The following GRB10 variants were observed in gnomAD, a reference collection of about 807,000 sequenced individuals.
GRB10 encodes growth factor receptor bound protein 10, also known as growth factor receptor-bound protein 10.
Under a neutral mutation model 80.9 loss-of-function variants are expected in GRB10, and 20 were observed. The ratio of observed to expected loss-of-function variants is 0.25; its 90% CI spans 0.17 to 0.36. The LOEUF is 0.36. Ranked by LOEUF, GRB10 falls within the 10% of genes least tolerant of loss-of-function variation. The pLI is 1.00. For missense variants in GRB10, 548 were observed against 747.7 expected (o/e 0.73, Z 3.12); for synonymous variants, 291 against 291.5 (o/e 1.00, Z 0.02).
intron 3 of GRB10, among the ~76,000 whole-genome samples, 154 bp downstream of exon 3, chr7:50,755,733 C>T (rs734422): frequency 0.62 from 93,947 of 151,992 alleles, 31,944 homozygotes; most frequent in Middle Eastern, 0.87. Context: ...AGGACAGAGA[C>T]GGGAGACTCT....
chr7:50,668,922 T>G lies in GRB10; in HGVS notation c.504+800A>C, dbSNP rs2060080797. 2.0e-5 allele frequency among the ~76,000 whole-genome samples: 3 copies of G among 152,246 alleles called. No individual in the cohort carries two copies. The South Asian group carries it at 6.2e-4, about 31-fold the overall frequency. ...TGTCCTATCTACTTCATGGATCTAC[T>G]TTAAGTAGAAACTACAAGTTCAAAA... On this transcript the variant is annotated intron_variant, in intron 7 of 18. Coordinates refer to ENST00000401949, the MANE Select transcript of GRB10 (RefSeq NM_001350814.2).
At chr7:50,772,580 G>A (rs1046552693) in intron 2 of GRB10, among the ~76,000 whole-genome samples, 20 of 152,250 alleles carry the variant, frequency 1.3e-4, no homozygotes, top group African/African-American at 4.3e-4. Flanking sequence ...TCTAGCCAGA[G>A]CAATTAAGTA....
At chr7:50,712,197 G>A (rs565220704) in intron 4 of GRB10, among the ~76,000 whole-genome samples, 1 of 152,242 alleles carries the variant, frequency 6.6e-6, no homozygotes, top group East Asian at 1.9e-4. Context: ...CCCTCAAATG[G>A]AAATAACCTT....
chr7:50,594,235 C>T (rs1165899700), intron 18 of GRB10, among the ~76,000 whole-genome samples: 1 of 152,176 alleles, frequency 6.6e-6, no homozygotes, highest in Non-Finnish European at 1.5e-5. Context: ...CCACTGACAG[C>T]CATGAGCCTC....
chr7:50,595,570 A>C, intron 17 of GRB10, 40 bp from the exon 18 acceptor site: 1 of 1,004,528 alleles, frequency 1.0e-6, no homozygotes, highest in Non-Finnish European at 1.6e-6. Flanking sequence ...AATATTTTAA[A>C]ATCTGGAACT....
chr7:50,647,013 A>G (rs747194629), intron 7 of GRB10, among the ~76,000 whole-genome samples: 1 of 152,216 alleles, frequency 6.6e-6, no homozygotes, highest in Non-Finnish European at 1.5e-5. Flanking sequence ...ATCACTAACT[A>G]AAAAGAGGCA....
chr7:50,718,848 C>A (rs998074420), intron 4 of GRB10, among the ~76,000 whole-genome samples: 3 of 152,082 alleles, frequency 2.0e-5, no homozygotes, highest in Non-Finnish European at 4.4e-5. Context: ...AATGTCTAAG[C>A]TTGTTGAACC....
chr7:50,658,231 G>C (rs1202296825), intron 7 of GRB10, among the ~76,000 whole-genome samples: 1 of 152,244 alleles, frequency 6.6e-6, no homozygotes, highest in South Asian at 2.1e-4. Context: ...GGCTTCTCCA[G>C]TGGGTGAACT....
chr7:50,590,411 CAT>C lies in GRB10; in HGVS notation c.*2539_*2540del, dbSNP rs1450838324. On this transcript the variant is annotated 3_prime_UTR_variant, in exon 19 of 19. Transcript: ENST00000401949. ...AAGACAAAACATCTAGGCTGAGGCA[CAT>C]GTTTCTTCAAGGTTTAGCAAACAAA... 2.0e-5 allele frequency: 3 copies of C among 152,240 alleles called. No homozygotes were observed. The highest frequency in any genetic ancestry group is 2.1e-4 in the South Asian group (1 of 4,834). 9.4% of individuals were successfully genotyped at this position (152,240 alleles called of 1,614,324 possible).
intron 7 of GRB10, among the ~76,000 whole-genome samples, chr7:50,639,599 G>C (rs1049699850): frequency 1.5e-4 from 23 of 152,268 alleles, no homozygotes; most frequent in African/African-American, 5.5e-4. Flanking sequence ...CGTGAACCGG[G>C]GAGGCGGAGC....
intron 7 of GRB10, among the ~76,000 whole-genome samples, chr7:50,632,039 C>T (rs960534959): frequency 4.6e-5 from 7 of 152,162 alleles, no homozygotes; most frequent in Non-Finnish European, 7.3e-5. Flanking sequence ...ATTGGGCAGA[C>T]CCTGAAGCCT....
intron 7 of GRB10, among the ~76,000 whole-genome samples, chr7:50,634,064 G>T (rs146493253): frequency 7.2e-4 from 109 of 152,272 alleles, no homozygotes; most frequent in Admixed American, 6.7e-3. Context: ...TACAGAAGAT[G>T]CACATTCACC....
At chr7:50,752,399 GT>G (rs1176448367) in intron 3 of GRB10, among the ~76,000 whole-genome samples, 1 of 152,196 alleles carries the variant, frequency 6.6e-6, no homozygotes, top group Non-Finnish European at 1.5e-5. Context: ...GAGCAAAACG[GT>G]TGTGTGGCAC....
At chr7:50,770,523 TG>T (rs1319435630) in intron 2 of GRB10, among the ~76,000 whole-genome samples, 1 of 152,176 alleles carries the variant, frequency 6.6e-6, no homozygotes, top group Admixed American at 6.5e-5. Context: ...CTGGTATGAG[TG>T]ACCTCACCCC....
intron 3 of GRB10, among the ~76,000 whole-genome samples, chr7:50,754,692 C>T (rs2074772554): frequency 6.6e-6 from 1 of 152,228 alleles, no homozygotes; most frequent in Non-Finnish European, 1.5e-5. Context: ...AGCCCAGAAA[C>T]TTCCTACCAA....
intron 7 of GRB10, among the ~76,000 whole-genome samples, chr7:50,629,260 ATT>A (rs548549001): frequency 3.5e-5 from 5 of 144,408 alleles, no homozygotes; most frequent in African/African-American, 1.3e-4. Context: ...TGGTTTTCTC[ATT>A]TTTTTTTTCA....
chr7:50,652,525 A>G (rs955242839), intron 7 of GRB10, among the ~76,000 whole-genome samples: 8 of 152,238 alleles, frequency 5.3e-5, no homozygotes, highest in Non-Finnish European at 1.0e-4. Context: ...TGCTAATAAA[A>G]GAACAAACAA....
intron 7 of GRB10, among the ~76,000 whole-genome samples, chr7:50,650,701 A>G (rs1384504457): frequency 6.6e-6 from 1 of 152,246 alleles, no homozygotes; most frequent in Non-Finnish European, 1.5e-5. Flanking sequence ...TGGTAGACAC[A>G]GCAGGTGGCT....
chr7:50,679,557 G>A (rs575925112), intron 5 of GRB10, among the ~76,000 whole-genome samples: 4 of 152,016 alleles, frequency 2.6e-5, no homozygotes, highest in South Asian at 2.1e-4. Flanking sequence ...TGTTTAGGAC[G>A]TGTCCATTAC....
Sources: allele counts gnomAD v4.1 joint callset (sites outside exome capture counted in the v4.1 genomes callset), GRCh38; gene constraint gnomAD v4.1.1; transcripts MANE v1.5; gene names NCBI Gene and HGNC (gene_info 2026-07-23, HGNC 2026-07-21).